The following SMCO3 variants were observed in gnomAD, a reference collection of about 807,000 sequenced individuals.
The protein encoded by SMCO3 is single-pass membrane and coiled-coil domain-containing protein 3.
In SMCO3, 6 loss-of-function variants were observed where a neutral mutation model predicts 12.0. That is an observed-to-expected ratio of 0.50 (90% CI 0.27 to 0.99). The LOEUF (loss-of-function observed/expected upper bound fraction) is 0.99, where lower values mean the gene tolerates loss of function less well. Ranked by LOEUF, SMCO3 falls within the 50% of genes least tolerant of loss-of-function variation. SMCO3 has a pLI of 0.11. For missense variants in SMCO3, 279 were observed against 265.0 expected, an observed-to-expected ratio of 1.05 and a Z score of -0.37; for synonymous variants, 96 against 96.4, an observed-to-expected ratio of 1.00 and a Z score of 0.02.
intron 1 of SMCO3, among the ~76,000 whole-genome samples, chr12:14,809,129 G>T (rs967833108): frequency 6.6e-6 from 1 of 152,116 alleles, no homozygotes; most frequent in African/African-American, 2.4e-5. Flanking sequence ...TCCTGAAAAA[G>T]TTCAAAATAT....
intron 1 of SMCO3, among the ~76,000 whole-genome samples, chr12:14,807,917 G>T (rs1013746340): frequency 2.6e-5 from 4 of 152,184 alleles, no homozygotes; most frequent in African/African-American, 9.7e-5. Context: ...TGTAATCCCA[G>T]CACTTTGGGA....
rs759769483 is a variant in SMCO3, at chr12:14,806,252, G to A, written c.429C>T (p.Gly143=). The A allele has an allele frequency of 6.2e-7, 1 of 1,614,192 alleles. No homozygotes were observed. Among genetic ancestry groups the A allele is most frequent in the East Asian group, 2.2e-5 (1 of 44,884 alleles). Residue 143 remains glycine (G), a synonymous_variant, in exon 2 of 2, where the codon GGC becomes GGT. Transcript: ENST00000316048. ...VKLVGSNVTT[G]IINKLVTVLA... ...ACACAGTGACCAACTTGTTAATTAT[G>A]CCAGTTGTGACATTTGAGCCCACAA...
chr12:14,805,141 A>T lies in SMCO3; in HGVS notation c.*862T>A, dbSNP rs1950028683. 1 of 152,192 alleles carries T rather than the reference A, an allele frequency of 6.6e-6. No individual in the cohort carries two copies. The highest frequency in any genetic ancestry group is 1.5e-5 in the Non-Finnish European group (1 of 68,030). The allele number at this position is 152,192 out of a possible 1,614,324, so 9.4% of individuals were successfully genotyped here. A position where few individuals can be genotyped will look rare whatever the true frequency, so the allele number is the denominator to read the frequency against. ...CCTTTTTGCTAGTGTTGAAAATGAA[A>T]TTATATTCTTTTTTCTGAAAGCTTA... On this transcript the variant is annotated 3_prime_UTR_variant, in exon 2 of 2. Transcript: ENST00000316048.
chr12:14,813,464 A>T (rs946793797), intron 1 of SMCO3, among the ~76,000 whole-genome samples: 3 of 152,238 alleles, frequency 2.0e-5, no homozygotes, highest in African/African-American at 7.2e-5. Context: ...TGATGTGATG[A>T]TATACTTTCT....
intron 1 of SMCO3, among the ~76,000 whole-genome samples, chr12:14,811,382 T>G (rs1188417935): frequency 6.6e-6 from 1 of 152,160 alleles, no homozygotes; most frequent in African/African-American, 2.4e-5. Context: ...CTCTACACAT[T>G]TGGGCTCTGG....
Position 14,805,149 on chromosome 12 carries a change from C to CT in SMCO3, c.*853dup, listed in dbSNP as rs1435197763. ...CTAGTGTTGAAAATGAAATTATATT[C>CT]TTTTTTCTGAAAGCTTATAATAAAT... is the stretch of plus-strand genomic sequence containing the variant. On this transcript the variant is annotated 3_prime_UTR_variant, in exon 2 of 2. Coordinates refer to ENST00000316048, the MANE Select transcript of SMCO3 (RefSeq NM_001013698.2). 6.6e-6 allele frequency: 1 copy of CT among 152,172 alleles called. No homozygotes were observed. The highest frequency in any genetic ancestry group is 1.5e-5 in the Non-Finnish European group (1 of 68,026). The allele number at this position is 152,172 out of a possible 1,614,324, so 9.4% of individuals were successfully genotyped here. A position where few individuals can be genotyped will look rare whatever the true frequency, so the allele number is the denominator to read the frequency against.
intron 1 of SMCO3, among the ~76,000 whole-genome samples, chr12:14,812,874 G>A (rs1263682857): frequency 6.6e-6 from 1 of 152,070 alleles, no homozygotes; most frequent in African/African-American, 2.4e-5. Flanking sequence ...GCATAGTGCT[G>A]GTATATTTCC....
intron 1 of SMCO3, among the ~76,000 whole-genome samples, chr12:14,808,528 A>AG (rs1950089349): frequency 6.6e-6 from 1 of 152,220 alleles, no homozygotes; most frequent in Non-Finnish European, 1.5e-5. Context: ...ATTCTGCTTA[A>AG]GGGGAACCTC....
chr12:14,806,520 A>T lies in SMCO3; in HGVS notation c.161T>A (p.Ile54Asn), dbSNP rs199916742. 3 of 1,614,042 alleles carry T rather than the reference A, an allele frequency of 1.9e-6. No homozygotes were observed. In the Admixed American group the frequency reaches 5.0e-5, roughly 27 times the overall value. The change falls in exon 2 of 2, where the codon ATT becomes AAT. Residue 54 changes from isoleucine (I) to asparagine (N), a missense_variant. By Grantham distance (149) the Ile-to-Asn change is moderately radical (BLOSUM62 -3). Transcript: ENST00000316048. The part of the protein sequence containing the change: ...NMHLGCRLAS[I>N]EMKRDGTIKE... Reference sequence around the variant, plus strand: ...GATGGTCCCATCTCTTTTCATCTCAATGGAGGCCAGCCTGCACCCCAAGTG... The same window carrying T: ...GATGGTCCCATCTCTTTTCATCTCATTGGAGGCCAGCCTGCACCCCAAGTG...
rs1353082117 is a variant in SMCO3 at position 14,804,746 on chromosome 12, G to T, written c.*1257C>A. On this transcript the variant is annotated 3_prime_UTR_variant, in exon 2 of 2. Transcript: ENST00000316048. ...TTTGCAACTCGTTTTGAAAAACAAT[G>T]CAAGAAGAGAAAGAGAAAACAGTGT... The T allele has an allele frequency of 6.6e-6, 1 of 152,190 alleles. No homozygotes were observed. Among genetic ancestry groups the T allele is most frequent in the African/African-American group, 2.4e-5 (1 of 41,446 alleles). 9.4% of individuals were successfully genotyped at this position (152,190 alleles called of 1,614,324 possible). A position where few individuals can be genotyped will look rare whatever the true frequency, so the allele number is the denominator to read the frequency against.
At chr12:14,808,097 G>T (rs985522602) in intron 1 of SMCO3, among the ~76,000 whole-genome samples, 1 of 152,098 alleles carries the variant, frequency 6.6e-6, no homozygotes, top group Non-Finnish European at 1.5e-5. Context: ...ACACGGAGGT[G>T]GAGGTTGCAG....
chr12:14,809,135 A>T (rs1950098880), intron 1 of SMCO3, among the ~76,000 whole-genome samples: 1 of 152,186 alleles, frequency 6.6e-6, no homozygotes, highest in Non-Finnish European at 1.5e-5. Context: ...AAAAGTTCAA[A>T]ATATCTCTAG....
intron 1 of SMCO3, among the ~76,000 whole-genome samples, chr12:14,808,152 G>A (rs1280585473): frequency 3.3e-5 from 5 of 149,558 alleles, no homozygotes; most frequent in Admixed American, 1.4e-4. Flanking sequence ...GCAACAGAGC[G>A]AGACTTTGTC....
chr12:14,810,651 A>C (rs1041398191), intron 1 of SMCO3, among the ~76,000 whole-genome samples: 6 of 152,226 alleles, frequency 3.9e-5, no homozygotes, highest in Admixed American at 6.5e-5. Context: ...CCACACTTTA[A>C]TATATAATAT....
In SMCO3 at chr12:14,806,057, T is replaced by C; in HGVS notation, c.624A>G (p.Lys208=). 2 of 1,614,176 alleles carry C rather than the reference T, an allele frequency of 1.2e-6. No homozygotes were observed. The highest frequency in any genetic ancestry group is 1.7e-6 in the Non-Finnish European group (2 of 1,180,016). ...TGACCTCAGTAATGGCATGATTATATTTTTCTGAGGCTGATTTGAACTCCA... is the reference window on the plus strand; with the variant it reads ...TGACCTCAGTAATGGCATGATTATACTTTTCTGAGGCTGATTTGAACTCCA... ...HLVEFKSASE[K]YNHAITEVIN... Residue 208 remains lysine, a synonymous_variant, in exon 2 of 2, where the codon AAA becomes AAG. Coordinates refer to ENST00000316048, the MANE Select transcript of SMCO3 (RefSeq NM_001013698.2).
chr12:14,813,316 C>T (rs918397635), intron 1 of SMCO3, among the ~76,000 whole-genome samples: 5 of 152,102 alleles, frequency 3.3e-5, no homozygotes. Flanking sequence ...TGCACAGTTT[C>T]CTTATCTGGG....
At position 14,806,708 on chromosome 12, in the gene SMCO3, A is replaced by C; in HGVS notation, c.-16-12T>G. ...TTCCAATATGATCGCTGAAAAATAA[A>C]ATGGTAAATTTTTACTGAAAGTCTT... On this transcript the variant is annotated splice_polypyrimidine_tract_variant and intron_variant, in intron 1 of 1. Coordinates refer to ENST00000316048, the MANE Select transcript of SMCO3 (RefSeq NM_001013698.2). The C allele has an allele frequency of 6.5e-7, 1 of 1,548,552 alleles. No individual in the cohort carries two copies. The highest frequency in any genetic ancestry group is 1.2e-5 in the South Asian group (1 of 80,040).
At chr12:14,806,819 A>G (rs1488608567) in intron 1 of SMCO3, 123 bp from the exon 2 acceptor site, 23 of 894,682 alleles carry the variant, frequency 2.6e-5, no homozygotes, top group Middle Eastern at 3.3e-4. Flanking sequence ...TCTAAGGATA[A>G]TTCCTCAGAA....
At chr12:14,810,171 G>A (rs1465065598) in intron 1 of SMCO3, among the ~76,000 whole-genome samples, 1 of 152,130 alleles carries the variant, frequency 6.6e-6, no homozygotes, top group Non-Finnish European at 1.5e-5. Context: ...CCTTGGGTGG[G>A]GAGTGGGGAG....
Sources: allele counts gnomAD v4.1 joint callset (sites outside exome capture counted in the v4.1 genomes callset), GRCh38; gene constraint gnomAD v4.1.1; transcripts MANE v1.5; gene names NCBI Gene and HGNC (gene_info 2026-07-23, HGNC 2026-07-21).